The following WDR24 variants were observed in gnomAD, a reference collection of about 807,000 sequenced individuals.
The protein encoded by WDR24 is GATOR2 complex protein WDR24.
In WDR24, 32 loss-of-function variants were observed where a neutral mutation model predicts 66.7. That is an observed-to-expected ratio of 0.48 (90% CI 0.36 to 0.64). WDR24 has a LOEUF of 0.64. WDR24 is among the 30% of genes least tolerant of loss of function. WDR24 has a pLI of 0.00. For missense variants in WDR24, 978 were observed against 1,144.1 expected, an observed-to-expected ratio of 0.85 and a Z score of 2.09; for synonymous variants, 565 against 469.1, an observed-to-expected ratio of 1.20 and a Z score of -2.64.
chr16:685,459 G>A lies in WDR24; in HGVS notation c.1817C>T (p.Ser606Phe), dbSNP rs1413485287. 21 of 1,605,392 alleles carry A rather than the reference G, an allele frequency of 1.3e-5. No individual in the cohort carries two copies. Among genetic ancestry groups the A allele is most frequent in the South Asian group, 1.1e-5 (1 of 90,936 alleles). The change falls in exon 7 of 9, where the codon TCC becomes TTC. Residue 606 changes from serine to phenylalanine, a missense_variant. Around this residue, in one of 2 missense-constraint regions of WDR24, gnomAD observed 676 missense variants for 617.5 expected, o/e 1.09. Transcript: ENST00000293883. ...HVSGSEADVA[S>F]LAPVDSSFSL... Reference sequence around the variant, plus strand: ...GAAGGAGGAGTCCACGGGGGCCAGGGAGGCCACATCCGCCTCGCTGCCGCT... The same window carrying A: ...GAAGGAGGAGTCCACGGGGGCCAGGAAGGCCACATCCGCCTCGCTGCCGCT...
rs372109422 is a variant in WDR24 at position 685,750 on chromosome 16, G to C, written c.1607C>G (p.Ala536Gly). The change falls in exon 6 of 9, where the codon GCC becomes GGC. Residue 536 changes from alanine to glycine, a missense_variant. By Grantham distance (60) the Ala-to-Gly change is moderately conservative. Transcript: ENST00000293883. ...TTCCACGTCACCCAGCAGGTAGTCGGCAGGTACGTCGCTGCCCTCGGTTTC... is the reference window on the plus strand; with the variant it reads ...TTCCACGTCACCCAGCAGGTAGTCGCCAGGTACGTCGCTGCCCTCGGTTTC... ...NEETEGSDVP[A>G]DYLLGDVEGE... The C allele has an allele frequency of 6.2e-7, 1 of 1,613,274 alleles. No homozygotes were observed. Among genetic ancestry groups the C allele is most frequent in the Non-Finnish European group, 8.5e-7 (1 of 1,180,024 alleles).
chr16:687,874 C>G (rs1335694767), intron 1 of WDR24, 135 bp from the exon 2 acceptor site: 2 of 1,187,468 alleles, frequency 1.7e-6, no homozygotes, highest in South Asian at 2.6e-5. Flanking sequence ...TGGACATCCC[C>G]AAGATCTGCC....
At position 684,902 on chromosome 16, in the gene WDR24, C is replaced by T; in HGVS notation, c.2205G>A (p.Arg735=). ...CACACATGCTGGCGCAGCGGTGGCA[C>T]CTGGGGGCGGGCGGGAGGGAGGGTG... The part of the protein sequence containing the change: ...PMSSRGWVCD[R]CHRCASMCAV... Residue 735 remains arginine, a splice_region_variant and synonymous_variant, in exon 9 of 9, where the codon AGG becomes AGA. Coordinates refer to ENST00000293883, the MANE Select transcript of WDR24 (RefSeq NM_032259.4). 4.7e-6 allele frequency: 2 copies of T among 425,358 alleles called. No individual in the cohort carries two copies. The highest frequency in any genetic ancestry group is 2.1e-5 in the African/African-American group (1 of 47,022). The allele number at this position is 425,358 out of a possible 1,614,324, so 26.3% of individuals were successfully genotyped here.
At chr16:687,892 G>T in intron 1 of WDR24, 153 bp from the exon 2 acceptor site, 1 of 1,038,424 alleles carries the variant, frequency 9.6e-7, no homozygotes, top group Non-Finnish European at 1.4e-6. Flanking sequence ...GCCCAAGGAA[G>T]CAGCCACACA....
chr16:685,684 G>T lies in WDR24; in HGVS notation c.1673C>A (p.Ala558Glu). Residue 558 changes from alanine to glutamate, a missense_variant, in exon 6 of 9, where the codon GCG becomes GAG. Around this residue, in one of 2 missense-constraint regions of WDR24, gnomAD observed 676 missense variants for 617.5 expected, o/e 1.09. Transcript: ENST00000293883. ...CTGCCCGGACCCCCACTCACGGTGC[G>T]CGTGTTCCGGATCCAGCAGGTACAG... ...DELYLLDPEH[A>E]HPEDPECVLP... 6.2e-7 allele frequency: 1 copy of T among 1,612,980 alleles called. No individual in the cohort carries two copies. Among genetic ancestry groups the T allele is most frequent in the Non-Finnish European group, 8.5e-7 (1 of 1,180,004 alleles).
intron 1 of WDR24, chr16:688,064 C>G (rs139828099): frequency 5.8e-6 from 3 of 513,188 alleles, no homozygotes; most frequent in Non-Finnish European, 7.6e-6. Context: ...AGAATAGGAA[C>G]GCACCCAGCC....
rs757398841 is a variant in WDR24 at position 686,774 on chromosome 16, T to C, written c.1302A>G (p.Ala434=). ...RPLAELCDHN[A]KVARELGRNQ... is the part of the protein sequence containing the mutation. Reference sequence around the variant, plus strand: ...TGCGGCCAAGCTCTCGAGCCACCTTTGCGTTGTGGTCACAGAGCTCGGCCA... The same window carrying C: ...TGCGGCCAAGCTCTCGAGCCACCTTCGCGTTGTGGTCACAGAGCTCGGCCA... Residue 434 remains alanine (A), a synonymous_variant, in exon 3 of 9, where the codon GCA becomes GCG. Transcript: ENST00000293883. 2.5e-6 allele frequency: 4 copies of C among 1,606,532 alleles called. No homozygotes were observed. Among genetic ancestry groups the C allele is most frequent in the South Asian group, 2.2e-5 (2 of 90,766 alleles).
At chr16:686,666 G>C in intron 3 of WDR24, 78 bp downstream of exon 3, 3 of 1,487,048 alleles carry the variant, frequency 2.0e-6, no homozygotes, top group Non-Finnish European at 2.7e-6. Flanking sequence ...TTGAGGTGGG[G>C]TGAGCGCAGC....
At position 687,374 on chromosome 16, in the gene WDR24, G is replaced by C. The variant is rs751541627; in HGVS notation, c.702C>G (p.Val234=). 2.2e-5 allele frequency: 35 copies of C among 1,596,586 alleles called. No homozygotes were observed. Among genetic ancestry groups the C allele is most frequent in the Non-Finnish European group, 2.1e-5 (24 of 1,169,704 alleles). Residue 234 remains valine (V), a synonymous_variant, in exon 3 of 9, where the codon GTC becomes GTG. Coordinates refer to ENST00000293883, the MANE Select transcript of WDR24 (RefSeq NM_032259.4). ...ATGGRDKMVK[V]WDMTTHRAKE... ...TGGCACGGTGCGTGGTCATGTCCCA[G>C]ACCTTCACCATCTTGTCGCGCCCTC...
rs137988600 is a variant in WDR24 at position 685,581 on chromosome 16, G to A, written c.1695C>T (p.Cys565=). The stretch of plus-strand genomic sequence containing the variant: ...GCGGAAAGGCCTCCTGCGGCAGCAC[G>A]CACTCAGGGTCCTCGGCTGGAAGGC... The part of the protein sequence containing the change: ...PEHAHPEDPE[C]VLPQEAFPLR... Residue 565 remains cysteine (C), a synonymous_variant, in exon 7 of 9, where the codon TGC becomes TGT. Coordinates refer to ENST00000293883, the MANE Select transcript of WDR24 (RefSeq NM_032259.4). The A allele has an allele frequency of 2.5e-4, 393 of 1,593,118 alleles. No individual in the cohort carries two copies. The highest frequency in any genetic ancestry group is 5.0e-4 in the Middle Eastern group (3 of 6,012).
At chr16:688,522 G>A (rs559869231) in intron 1 of WDR24, among the ~76,000 whole-genome samples, 1 of 152,364 alleles carries the variant, frequency 6.6e-6, no homozygotes, top group African/African-American at 2.4e-5. Context: ...TCAATCTCCT[G>A]ACCTCGTGAT....
intron 1 of WDR24, 108 bp downstream of exon 1, chr16:689,052 G>T: frequency 1.3e-6 from 2 of 1,520,750 alleles, no homozygotes; most frequent in African/African-American, 2.8e-5. Context: ...AAGCCCTCTG[G>T]GAGTGATCCT....
Position 687,244 on chromosome 16 carries a change from T to C in WDR24, c.832A>G (p.Ile278Val), listed in dbSNP as rs2039919765. 1 of 1,612,188 alleles carries C rather than the reference T, an allele frequency of 6.2e-7. No homozygotes were observed. The part of the protein sequence containing the change: ...ATCSMMVDHN[I>V]YVWDVRRPFV... ...GGCCGGCGCACGTCCCAAACATAGATGTTGTGGTCCACCATCATGGAGCAC... is the reference window on the plus strand; with the variant it reads ...GGCCGGCGCACGTCCCAAACATAGACGTTGTGGTCCACCATCATGGAGCAC... The change falls in exon 3 of 9, where the codon ATC (isoleucine) becomes GTC (valine). Residue 278 changes from isoleucine (I) to valine (V), a missense_variant. Ile to Val is a conservative substitution (Grantham distance 29). Around this residue, in one of 2 missense-constraint regions of WDR24, gnomAD observed 302 missense variants for 526.6 expected, o/e 0.57. Transcript: ENST00000293883.
chr16:689,300 T>C lies in WDR24; in HGVS notation c.341A>G (p.Gln114Arg). 8 of 1,613,928 alleles carry C rather than the reference T, an allele frequency of 5.0e-6. No individual in the cohort carries two copies. Among genetic ancestry groups the C allele is most frequent in the Non-Finnish European group, 6.8e-6 (8 of 1,180,014 alleles). ...LGRPSRNKQD[Q>R]LFTEHKRTVN... Reference sequence around the variant, plus strand: ...CGTGCGCTTGTGTTCTGTGAACAGCTGGTCCTGCTTGTTGCGGGATGGCCG... The same window carrying C: ...CGTGCGCTTGTGTTCTGTGAACAGCCGGTCCTGCTTGTTGCGGGATGGCCG... The change falls in exon 1 of 9, where the codon CAG becomes CGG. Residue 114 changes from glutamine (Q) to arginine (R), a missense_variant. Gln to Arg is a conservative substitution (Grantham distance 43). Around this residue, in one of 2 missense-constraint regions of WDR24, gnomAD observed 302 missense variants for 526.6 expected, o/e 0.57. Coordinates refer to ENST00000293883, the MANE Select transcript of WDR24 (RefSeq NM_032259.4).
intron 1 of WDR24, 78 bp downstream of exon 1, chr16:689,082 A>C (rs1250732899): frequency 6.4e-7 from 1 of 1,569,990 alleles, no homozygotes; most frequent in East Asian, 2.2e-5. Context: ...TGATGCACGG[A>C]GCCCTTTTCC....
At chr16:686,314 C>G in intron 3 of WDR24, 128 bp from the exon 4 acceptor site, 1 of 1,059,910 alleles carries the variant, frequency 9.4e-7, no homozygotes, top group Non-Finnish European at 1.3e-6. Context: ...CCAGGCCCAC[C>G]CCAGGTAGGA....
intron 3 of WDR24, among the ~76,000 whole-genome samples, 169 bp from the exon 4 acceptor site, chr16:686,355 C>T (rs1379235028): frequency 6.6e-6 from 1 of 152,224 alleles, no homozygotes; most frequent in African/African-American, 2.4e-5. Flanking sequence ...GACAAAAACC[C>T]CGGTCCCCGC....
rs1307496100 is a variant in WDR24 at position 689,604 on chromosome 16, C to T, written c.37G>A (p.Gly13Ser). 6.2e-7 allele frequency: 1 copy of T among 1,612,722 alleles called. No individual in the cohort carries two copies. Among genetic ancestry groups the T allele is most frequent in the African/African-American group, 1.3e-5 (1 of 74,938 alleles). The change falls in exon 1 of 9, where the codon GGC (glycine) becomes AGC (serine). Residue 13 changes from glycine to serine, a missense_variant. By Grantham distance (56) the Gly-to-Ser change is moderately conservative (BLOSUM62 0). Around this residue, in one of 2 missense-constraint regions of WDR24, gnomAD observed 302 missense variants for 526.6 expected, o/e 0.57. Coordinates refer to ENST00000293883, the MANE Select transcript of WDR24 (RefSeq NM_032259.4). Reference protein sequence around the residue: ...KMSRVTTALGGSVLTGRTMHC... With the variant: ...KMSRVTTALGSSVLTGRTMHC... ...ATGGTGCGGCCTGTCAGCACGCTGC[C>T]ACCCAGGGCTGTGGTCACACGGGAC...
At position 690,293 on chromosome 16, in the gene WDR24, G is replaced by A. The variant is rs1596569035; in HGVS notation, c.-653C>T. The A allele has an allele frequency of 2.7e-5, 12 of 442,790 alleles. No individual in the cohort carries two copies. Among genetic ancestry groups the A allele is most frequent in the South Asian group, 1.9e-4 (12 of 63,362 alleles). The allele number at this position is 442,790 out of a possible 1,614,324, so 27.4% of individuals were successfully genotyped here. A position where few individuals can be genotyped will look rare whatever the true frequency, so the allele number is the denominator to read the frequency against. On this transcript the variant is annotated 5_prime_UTR_variant, in exon 1 of 9. Transcript: ENST00000293883. ...GGCGCAGTGGCGCGGGGGAGCGGAC[G>A]CTGCGGGACGAGAACCAGAGGGCCC...
Sources: gnomAD v4.1 joint callset for allele counts (sites outside exome capture counted in the v4.1 genomes callset) on GRCh38, gnomAD v4.1.1 for gene constraint, gnomAD v4.1.1 regional missense constraint, MANE v1.5 for transcripts, NCBI Gene and HGNC (gene_info 2026-07-23, HGNC 2026-07-21) for gene names.